LIMCH1: variants seen among roughly 807,000 people sequenced by gnomAD.
LIMCH1 encodes the protein LIM and calponin homology domains 1.
LIMCH1 carries 113 observed loss-of-function variants against 176.5 expected under a neutral mutation model. The observed-to-expected ratio is 0.64, with a 90% CI of 0.55 to 0.75. The LOEUF (loss-of-function observed/expected upper bound fraction) is 0.75, where lower values mean the gene tolerates loss of function less well. Ranked by LOEUF, LIMCH1 falls within the 30% of genes least tolerant of loss-of-function variation. The pLI is 0.00. For missense variants in LIMCH1, 1,674 were observed against 1,814.9 expected, an observed-to-expected ratio of 0.92 and a Z score of 1.41; for synonymous variants, 619 against 645.9, an observed-to-expected ratio of 0.96 and a Z score of 0.63.
At chr4:41,558,663 C>T (rs1469206474) in intron 1 of LIMCH1, among the ~76,000 whole-genome samples, 3 of 152,124 alleles carry the variant, frequency 2.0e-5, no homozygotes, top group Non-Finnish European at 2.9e-5. Context: ...TTCCTGTGCC[C>T]ATGGTACAGT....
chr4:41,585,711 C>G (rs529491871), intron 1 of LIMCH1, among the ~76,000 whole-genome samples: 2 of 152,022 alleles, frequency 1.3e-5, no homozygotes, highest in Admixed American at 1.3e-4. Flanking sequence ...TATTTTCTGT[C>G]TTTTTAAAAA....
At chr4:41,556,634 A>G (rs912105866) in intron 1 of LIMCH1, among the ~76,000 whole-genome samples, 3 of 152,126 alleles carry the variant, frequency 2.0e-5, no homozygotes, top group Non-Finnish European at 4.4e-5. Context: ...ACTGAGACTT[A>G]GATGAATTAA....
intron 5 of LIMCH1, among the ~76,000 whole-genome samples, chr4:41,618,523 T>C (rs1255392552): frequency 1.3e-5 from 2 of 152,186 alleles, no homozygotes; most frequent in Non-Finnish European, 2.9e-5. Flanking sequence ...AAGTATAATG[T>C]GCCAGAAGAA....
intron 13 of LIMCH1, among the ~76,000 whole-genome samples, chr4:41,634,165 A>G (rs919912147): frequency 6.6e-6 from 1 of 152,228 alleles, no homozygotes; most frequent in Non-Finnish European, 1.5e-5. Flanking sequence ...GAATACATTT[A>G]TAAAAGTTGT....
chr4:41,456,361 A>G (rs4604085), intron 1 of LIMCH1, among the ~76,000 whole-genome samples: 46,325 of 151,940 alleles, frequency 0.3, 9,265 homozygotes, highest in African/African-American at 0.58. Flanking sequence ...GTGCGTGTGC[A>G]TGTGTGTGAT....
At chr4:41,525,051 C>T (rs78883814) in intron 3 of LIMCH1, among the ~76,000 whole-genome samples, 8,946 of 152,262 alleles carry the variant, frequency 0.059, 311 homozygotes, top group Non-Finnish European at 0.07. Context: ...CTAAAACTTA[C>T]ATGTTCATAT....
chr4:41,607,517 G>A (rs1296391241), intron 4 of LIMCH1, among the ~76,000 whole-genome samples: 1 of 152,198 alleles, frequency 6.6e-6, no homozygotes, highest in Non-Finnish European at 1.5e-5. Flanking sequence ...CTGGATTTGA[G>A]ATGTCTAAAT....
chr4:41,465,873 A>G (rs2066030058), intron 1 of LIMCH1, among the ~76,000 whole-genome samples: 1 of 151,386 alleles, frequency 6.6e-6, no homozygotes, highest in Non-Finnish European at 1.5e-5. Flanking sequence ...TCTATTGCCT[A>G]TGCCTGTTTT....
At position 41,412,443 on chromosome 4, in the gene LIMCH1, A is replaced by C. The variant is rs527371694; in HGVS notation, c.96+51507A>C. ...GATAATCCCAGTATCTACAGAGGTT[A>C]CTTAAGGATACTAAGTGACATGAGG... On this transcript the variant is annotated intron_variant, in intron 1 of 26. Coordinates refer to the LIMCH1 transcript ENST00000313860. Among the ~76,000 whole-genome samples the C allele has an allele frequency of 1.2e-4, 18 of 152,312 alleles. No homozygotes were observed. In the East Asian group the frequency reaches 2.9e-3, roughly 24 times the overall value.
chr4:41,379,033 A>G (rs562806263), intron 1 of LIMCH1, among the ~76,000 whole-genome samples: 2 of 152,318 alleles, frequency 1.3e-5, no homozygotes, highest in South Asian at 2.1e-4. Context: ...TTTGATGGTG[A>G]TTTAGTTATT....
chr4:41,669,668 T>A (rs1005740483), intron 21 of LIMCH1, among the ~76,000 whole-genome samples: 23 of 152,228 alleles, frequency 1.5e-4, no homozygotes, highest in African/African-American at 5.5e-4. Flanking sequence ...ATAACAGTAA[T>A]AATTGCTTGA....
At chr4:41,654,942 A>T (rs1443060255) in intron 18 of LIMCH1, among the ~76,000 whole-genome samples, 1 of 152,188 alleles carries the variant, frequency 6.6e-6, no homozygotes, top group Non-Finnish European at 1.5e-5. Flanking sequence ...TCATTTAAAA[A>T]TACTGGCTTC....
chr4:41,381,083 G>C (rs1032194945), intron 1 of LIMCH1, among the ~76,000 whole-genome samples: 2 of 152,156 alleles, frequency 1.3e-5, no homozygotes, highest in African/African-American at 4.8e-5. Flanking sequence ...TGCCAGGTAG[G>C]TGCATTTAAT....
chr4:41,650,697 C>A, intron 18 of LIMCH1, 89 bp downstream of exon 18: 1 of 1,104,286 alleles, frequency 9.1e-7, no homozygotes. Flanking sequence ...ATGATAATGA[C>A]CATTTCTTTC....
intron 22 of LIMCH1, among the ~76,000 whole-genome samples, chr4:41,673,755 A>AG (rs1228410961): frequency 1.3e-5 from 2 of 152,214 alleles, no homozygotes; most frequent in Non-Finnish European, 2.9e-5. Flanking sequence ...TAGGAGGATG[A>AG]GGGGCTCTTC....
intron 14 of LIMCH1, among the ~76,000 whole-genome samples, chr4:41,644,129 A>T (rs2093948338): frequency 6.6e-6 from 1 of 152,190 alleles, no homozygotes; most frequent in Non-Finnish European, 1.5e-5. Flanking sequence ...CCTTTTAATT[A>T]TCTTAATTTT....
At chr4:41,452,784 T>C (rs1192655563) in intron 1 of LIMCH1, among the ~76,000 whole-genome samples, 1 of 152,214 alleles carries the variant, frequency 6.6e-6, no homozygotes, top group Non-Finnish European at 1.5e-5. Context: ...TCTTCCTTTT[T>C]TGGGGTCCTC....
chr4:41,491,678 C>T (rs1165048946), intron 1 of LIMCH1, among the ~76,000 whole-genome samples: 1 of 149,660 alleles, frequency 6.7e-6, no homozygotes, highest in Non-Finnish European at 1.5e-5. Context: ...ACGCTCCTCA[C>T]TTCCTAGATG....
intron 1 of LIMCH1, among the ~76,000 whole-genome samples, chr4:41,446,950 T>G (rs1489435666): frequency 6.6e-6 from 1 of 152,092 alleles, no homozygotes; most frequent in Non-Finnish European, 1.5e-5. Context: ...ATGGGCCAGG[T>G]GTGGTGGCTC....
Sources: allele counts gnomAD v4.1 joint callset (sites outside exome capture counted in the v4.1 genomes callset), GRCh38; gene constraint gnomAD v4.1.1; transcripts MANE v1.5; gene names NCBI Gene and HGNC (gene_info 2026-07-23, HGNC 2026-07-21).